Variants in KLF8 observed in about 807,000 individuals in gnomAD.
The protein encoded by KLF8 is Krueppel-like factor 8.
Under a neutral mutation model 18.2 loss-of-function variants are expected in KLF8, and 10 were observed. The observed-to-expected ratio is 0.55, with a 90% CI of 0.34 to 0.93. KLF8 has a LOEUF of 0.93. Ranked by LOEUF, KLF8 falls within the 40% of genes least tolerant of loss-of-function variation. The pLI is 0.02. For missense variants in KLF8, 264 were observed against 277.9 expected (o/e 0.95, Z 0.36); for synonymous variants, 109 against 97.3 (o/e 1.12, Z -0.71).
the KLF8 span, among the ~76,000 whole-genome samples, chrX:56,186,332 T>C: frequency 1.8e-5 from 2 of 111,854 alleles, no homozygotes; most frequent in Non-Finnish European, 3.8e-5. Context: ...CTAACTATCC[T>C]AAATATATAT....
the KLF8 span, among the ~76,000 whole-genome samples, chrX:56,084,853 T>G: frequency 8.9e-6 from 1 of 111,827 alleles, no homozygotes; most frequent in African/African-American, 3.3e-5. Context: ...AGATTTAGAT[T>G]GAGAAGTCCC....
chrX:56,217,622 T>C, the KLF8 span, among the ~76,000 whole-genome samples: 1 of 110,501 alleles, frequency 9.0e-6, no homozygotes, highest in Admixed American at 9.7e-5. Flanking sequence ...GGTTTCACCA[T>C]GTTGGTTAGG....
At chrX:56,187,045 G>C in the KLF8 span, among the ~76,000 whole-genome samples, 276 of 111,215 alleles carry the variant, frequency 2.5e-3, 1 homozygote, top group African/African-American at 8.8e-3. Context: ...CTGAAGGAAA[G>C]AGAGACAAAA....
chrX:56,289,007 T>C lies in KLF8; in HGVS notation c.*4513T>C, dbSNP rs1356715245. ...CCCATGCTTCTGGAGTGGTAAGTTA[T>C]ATGCCACACCCTTCAGAGCATGTAT... On this transcript the variant is annotated 3_prime_UTR_variant, in exon 6 of 6. Transcript: ENST00000468660. 8.9e-6 allele frequency among the ~76,000 whole-genome samples: 1 copy of C among 112,174 alleles called. No individual in the cohort carries two copies. The highest frequency in any genetic ancestry group is 1.9e-5 in the Non-Finnish European group (1 of 53,271).
the KLF8 span, among the ~76,000 whole-genome samples, chrX:55,976,931 G>T: frequency 9.0e-6 from 1 of 111,372 alleles, no homozygotes; most frequent in Non-Finnish European, 1.9e-5. Flanking sequence ...TTTGTTCTTA[G>T]TGTACCAAAA....
the KLF8 span, among the ~76,000 whole-genome samples, chrX:55,988,103 C>G: frequency 9.0e-6 from 1 of 111,268 alleles, no homozygotes; most frequent in African/African-American, 3.3e-5. Context: ...GGATATTAGC[C>G]CTTTGTCAGA....
chrX:56,025,180 T>C, the KLF8 span, among the ~76,000 whole-genome samples: 1 of 112,407 alleles, frequency 8.9e-6, no homozygotes, highest in Non-Finnish European at 1.9e-5. Flanking sequence ...CAAAAACAAA[T>C]TTCTAGTTTT....
At chrX:56,183,177 C>T in the KLF8 span, among the ~76,000 whole-genome samples, 2 of 111,957 alleles carry the variant, frequency 1.8e-5, no homozygotes, top group South Asian at 3.7e-4. Flanking sequence ...TGGCAGACGC[C>T]CCTAACCCAG....
At chrX:56,087,030 T>C in the KLF8 span, among the ~76,000 whole-genome samples, 1 of 111,447 alleles carries the variant, frequency 9.0e-6, no homozygotes, top group East Asian at 2.8e-4. Context: ...CTAGAAGGAA[T>C]AAGCTGTTGA....
chrX:56,045,690 G>T, the KLF8 span, among the ~76,000 whole-genome samples: 4 of 111,745 alleles, frequency 3.6e-5, no homozygotes, highest in Admixed American at 9.5e-5. Flanking sequence ...TTCAGTTCTT[G>T]ATTTGATTCT....
the KLF8 span, among the ~76,000 whole-genome samples, chrX:56,164,751 C>CTT: frequency 8.3e-5 from 3 of 35,947 alleles, no homozygotes; most frequent in Non-Finnish European, 1.6e-4. Context: ...TTTTTTTTAA[C>CTT]TTTTTTTTTT....
At chrX:56,078,418 G>A in the KLF8 span, among the ~76,000 whole-genome samples, 1 of 111,899 alleles carries the variant, frequency 8.9e-6, no homozygotes, top group East Asian at 2.8e-4. Context: ...TTTTGTCTCT[G>A]GTTCTGTTTA....
At chrX:56,043,943 G>T in the KLF8 span, among the ~76,000 whole-genome samples, 1 of 112,292 alleles carries the variant, frequency 8.9e-6, no homozygotes, top group African/African-American at 3.2e-5. Flanking sequence ...GGCTTTATCT[G>T]CCTTCTATCT....
the KLF8 span, among the ~76,000 whole-genome samples, chrX:55,993,003 G>A: frequency 1.8e-5 from 2 of 111,472 alleles, no homozygotes; most frequent in African/African-American, 3.3e-5. Flanking sequence ...TTTTGGCAGA[G>A]ATTATGGTGT....
At chrX:55,991,460 C>T in the KLF8 span, among the ~76,000 whole-genome samples, 9 of 111,946 alleles carry the variant, frequency 8.0e-5, no homozygotes, top group African/African-American at 1.6e-4. Flanking sequence ...CTGGGTGAGG[C>T]GATGCCTCGG....
At chrX:56,248,610 A>C (rs2066659305) in intron 1 of KLF8, among the ~76,000 whole-genome samples, 1 of 111,710 alleles carries the variant, frequency 9.0e-6, no homozygotes, top group African/African-American at 3.3e-5. Flanking sequence ...GTGTGAATGC[A>C]GAGGGAGAAT....
At chrX:56,061,998 TTTTTTTTC>T in the KLF8 span, among the ~76,000 whole-genome samples, 43 of 100,586 alleles carry the variant, frequency 4.3e-4, no homozygotes, top group African/African-American at 1.6e-3. Flanking sequence ...TTTTTTTTTT[TTTTTTTTC>T]TTTTTGGCTT....
chrX:56,168,501 T>C, the KLF8 span, among the ~76,000 whole-genome samples: 1 of 112,375 alleles, frequency 8.9e-6, no homozygotes, highest in Admixed American at 9.4e-5. Context: ...AAAAAAATAG[T>C]CTTTTTTATT....
chrX:56,005,843 T>G, the KLF8 span, among the ~76,000 whole-genome samples: 1 of 111,097 alleles, frequency 9.0e-6, no homozygotes, highest in Admixed American at 9.4e-5. Flanking sequence ...GGCTGGTGTG[T>G]GGTGGTGGAG....
Sources: gnomAD v4.1 joint callset for allele counts (sites outside exome capture counted in the v4.1 genomes callset) on GRCh38, gnomAD v4.1.1 for gene constraint, MANE v1.5 for transcripts, NCBI Gene and HGNC (gene_info 2026-07-23, HGNC 2026-07-21) for gene names.